UTRN: variants seen among roughly 807,000 people sequenced by gnomAD.
UTRN encodes utrophin, also known as dystrophin-related protein 1.
UTRN carries 283 observed loss-of-function variants against 463.9 expected under a neutral mutation model. The ratio of observed to expected loss-of-function variants is 0.61; its 90% CI spans 0.55 to 0.67. The LOEUF is 0.67. UTRN is among the 30% of genes least tolerant of loss of function. UTRN has a pLI of 0.00. For synonymous variants in UTRN, 1,442 were observed against 1,431.5 expected (o/e 1.01, Z -0.17); for missense variants, 3,922 against 4,084.3 (o/e 0.96, Z 1.08).
At chr6:144,486,029 T>G (rs1010534617) in intron 28 of UTRN, among the ~76,000 whole-genome samples, 28 of 152,240 alleles carry the variant, frequency 1.8e-4, no homozygotes, top group Admixed American at 1.7e-3. Flanking sequence ...TACCCGATGC[T>G]TTGTTATTCC....
chr6:144,404,220 T>G (rs1043618485), intron 3 of UTRN, among the ~76,000 whole-genome samples: 1 of 152,160 alleles, frequency 6.6e-6, no homozygotes, highest in Admixed American at 6.5e-5. Context: ...GTAAGGAACA[T>G]GAAAACCAAC....
chr6:144,842,394 A>G (rs1000614209), intron 73 of UTRN, among the ~76,000 whole-genome samples: 7 of 152,114 alleles, frequency 4.6e-5, no homozygotes, highest in African/African-American at 1.7e-4. Context: ...AGCCTGATTA[A>G]CATGGCAAAA....
intron 50 of UTRN, among the ~76,000 whole-genome samples, chr6:144,576,679 A>G (rs1163260727): frequency 2.0e-5 from 3 of 152,174 alleles, no homozygotes; most frequent in African/African-American, 7.2e-5. Context: ...ACTTACATAA[A>G]GGCAGTATCA....
intron 53 of UTRN, among the ~76,000 whole-genome samples, chr6:144,709,524 A>G (rs1021943797): frequency 3.9e-5 from 6 of 152,188 alleles, no homozygotes; most frequent in Admixed American, 1.3e-4. Flanking sequence ...ATATTAGCCA[A>G]GGTTTTTTAT....
chr6:144,371,843 G>A (rs1328242652), intron 2 of UTRN, among the ~76,000 whole-genome samples: 2 of 152,174 alleles, frequency 1.3e-5, no homozygotes, highest in African/African-American at 4.8e-5. Flanking sequence ...GTAGGGCTGG[G>A]GAGGCATACA....
chr6:144,494,915 C>G lies in UTRN; in HGVS notation c.4593+1459C>G, dbSNP rs9496984. On this transcript the variant is annotated intron_variant, in intron 33 of 74. Transcript: ENST00000367545. ...AAGGCCCCACCAGAGTAGCTAGATA[C>G]AGAGTGTGGATTGGTGCACTCACAA... Among the ~76,000 whole-genome samples, 656 of 151,894 alleles carry G rather than the reference C, an allele frequency of 4.3e-3. 4 individuals are homozygous for G. The highest frequency in any genetic ancestry group is 0.015 in the African/African-American group (633 of 41,364).
At chr6:144,385,706 ATTT>A (rs60221098) in intron 2 of UTRN, among the ~76,000 whole-genome samples, 1,475 of 142,568 alleles carry the variant, frequency 0.01, 23 homozygotes, top group African/African-American at 0.035. Context: ...CCAGAACTCT[ATTT>A]TTTTTTTTTT....
In UTRN at chr6:144,607,615, TG is replaced by T. The variant is rs371255761; in HGVS notation, c.7479+30328del. Among the ~76,000 whole-genome samples the T allele has an allele frequency of 3.3e-5, 5 of 152,324 alleles. No homozygotes were observed. In the East Asian group the frequency reaches 5.8e-4, roughly 18 times the overall value. On this transcript the variant is annotated intron_variant, in intron 51 of 74. Coordinates refer to ENST00000367545, the MANE Select transcript of UTRN (RefSeq NM_007124.3). ...TTTTTTGGGCACTTTGAAACTTTGA[TG>T]ACATTATCCTGGTGGGCTTGTACAC...
intron 2 of UTRN, among the ~76,000 whole-genome samples, chr6:144,300,915 T>C (rs530540427): frequency 2.0e-5 from 3 of 152,362 alleles, no homozygotes; most frequent in African/African-American, 7.2e-5. Flanking sequence ...ACCAATTTCT[T>C]AAAGTGATTG....
At chr6:144,405,509 A>T (rs1024436221) in intron 3 of UTRN, among the ~76,000 whole-genome samples, 1 of 152,048 alleles carries the variant, frequency 6.6e-6, no homozygotes, top group Non-Finnish European at 1.5e-5. Context: ...ATCCCGTTGA[A>T]GGGAACGAAT....
rs1442606151 is a variant in UTRN at position 144,711,163 on chromosome 6, T to G, written c.7809+10920T>G. 4.0e-5 allele frequency among the ~76,000 whole-genome samples: 6 copies of G among 151,842 alleles called. No homozygotes were observed. In the East Asian group the frequency reaches 1.2e-3, roughly 29 times the overall value. On this transcript the variant is annotated intron_variant, in intron 53 of 74. Coordinates refer to ENST00000367545, the MANE Select transcript of UTRN (RefSeq NM_007124.3). The stretch of plus-strand genomic sequence containing the variant: ...TGAAACCTCATCTCTGCTAAAAATA[T>G]AAAAATTAGGTGTGGTGGCGGGTGC...
At chr6:144,484,431 A>ATTTTT (rs1792210048) in intron 27 of UTRN, among the ~76,000 whole-genome samples, 1 of 118,414 alleles carries the variant, frequency 8.4e-6, no homozygotes, top group African/African-American at 3.7e-5. Flanking sequence ...CAAAAACCAA[A>ATTTTT]CTTTTTTTTT....
In UTRN at chr6:144,438,864, A is replaced by T. The variant is rs1184964875; in HGVS notation, c.1361A>T (p.Lys454Ile). 1 of 1,614,184 alleles carries T rather than the reference A, an allele frequency of 6.2e-7. No homozygotes were observed. Among genetic ancestry groups the T allele is most frequent in the South Asian group, 1.1e-5 (1 of 91,088 alleles). ...METCPLDDDVKSLQKLLEEHK... is the reference protein window; with the variant it reads ...METCPLDDDVISLQKLLEEHK... ...ACTTGCCCCCTGGATGATGATGTAA[A>T]ATCTCTACAAAAGCTGCTAGAAGAA... The change falls in exon 12 of 75, where the codon AAA (lysine) becomes ATA (isoleucine). Residue 454 changes from lysine (K) to isoleucine (I), a missense_variant. By Grantham distance (102) the Lys-to-Ile change is moderately radical (BLOSUM62 -3). Around this residue, in one of 3 missense-constraint regions of UTRN, gnomAD observed 2,349 missense variants for 2,303.8 expected, o/e 1.02. Transcript: ENST00000367545.
intron 71 of UTRN, 90 bp from the exon 72 acceptor site, chr6:144,839,083 A>G (rs1781339428): frequency 2.1e-6 from 2 of 940,464 alleles, no homozygotes; most frequent in East Asian, 2.5e-5. Context: ...TTAATTATCC[A>G]TGGTGAGGGC....
At chr6:144,475,694 C>T (rs1223687532) in intron 25 of UTRN, among the ~76,000 whole-genome samples, 2 of 152,246 alleles carry the variant, frequency 1.3e-5, no homozygotes, top group African/African-American at 4.8e-5. Flanking sequence ...TAGCTTACTG[C>T]AGCCTTGAAC....
chr6:144,479,654 C>T (rs1791642530), intron 25 of UTRN, among the ~76,000 whole-genome samples, 158 bp from the exon 26 acceptor site: 2 of 152,080 alleles, frequency 1.3e-5, no homozygotes, highest in Admixed American at 6.5e-5. Context: ...GCTTATATTC[C>T]ACAGCGTTAG....
chr6:144,551,170 A>AC (rs1798881379), intron 48 of UTRN, 88 bp downstream of exon 48: 10 of 602,538 alleles, frequency 1.7e-5, no homozygotes, highest in African/African-American at 2.6e-5. Context: ...CACACACACA[A>AC]ACACATTTTC....
At position 144,302,817 on chromosome 6, in the gene UTRN, G is replaced by A. The variant is rs527783709; in HGVS notation, c.79+10910G>A. ...GAATTTGAGGTGTGCCTTGAAGGAT[G>A]TGTAAGAGGCAACGCTGTGGACAGT... On this transcript the variant is annotated intron_variant, in intron 2 of 74. Transcript: ENST00000367545. Among the ~76,000 whole-genome samples the A allele has an allele frequency of 1.1e-4, 17 of 152,330 alleles. No homozygotes were observed. In the South Asian group the frequency reaches 2.9e-3, roughly 26 times the overall value.
At chr6:144,617,470 T>G (rs1246304162) in intron 51 of UTRN, among the ~76,000 whole-genome samples, 2 of 152,226 alleles carry the variant, frequency 1.3e-5, no homozygotes, top group Non-Finnish European at 2.9e-5. Flanking sequence ...TCTTGGCAGC[T>G]TCAGCAAGTT....
Sources: gnomAD v4.1 joint callset for allele counts (sites outside exome capture counted in the v4.1 genomes callset) on GRCh38, gnomAD v4.1.1 for gene constraint, gnomAD v4.1.1 regional missense constraint, MANE v1.5 for transcripts, NCBI Gene and HGNC (gene_info 2026-07-23, HGNC 2026-07-21) for gene names.